MYO5B: variants seen among roughly 807,000 people sequenced by gnomAD.
MYO5B encodes unconventional myosin-Vb.
In MYO5B, 143 loss-of-function variants were observed where a neutral mutation model predicts 229.3. The observed-to-expected ratio is 0.62, with a 90% CI of 0.54 to 0.72. The LOEUF is 0.72. MYO5B is among the 30% of genes least tolerant of loss of function. MYO5B has a pLI of 0.00. For synonymous variants in MYO5B, 918 were observed against 885.2 expected (o/e 1.04, Z -0.66); for missense variants, 2,321 against 2,331.0 (o/e 1.00, Z 0.09).
At chr18:50,155,367 T>TA (rs1220390405) in intron 1 of MYO5B, among the ~76,000 whole-genome samples, 8 of 152,082 alleles carry the variant, frequency 5.3e-5, no homozygotes, top group Middle Eastern at 3.2e-3. Context: ...ATATGACCCA[T>TA]ATTAGAATAT....
chr18:50,003,829 A>C (rs1568066681), intron 4 of MYO5B, among the ~76,000 whole-genome samples: 3 of 152,240 alleles, frequency 2.0e-5, no homozygotes, highest in Non-Finnish European at 2.9e-5. Context: ...AGAATGCAGA[A>C]GTATATACTA....
At chr18:50,088,602 C>T (rs1462948125) in intron 1 of MYO5B, among the ~76,000 whole-genome samples, 1 of 152,226 alleles carries the variant, frequency 6.6e-6, no homozygotes, top group Non-Finnish European at 1.5e-5. Context: ...CATAGCCTCA[C>T]CCTCTTTCAA....
intron 3 of MYO5B, among the ~76,000 whole-genome samples, chr18:50,037,440 T>C (rs1164226281): frequency 3.9e-5 from 6 of 152,214 alleles, no homozygotes; most frequent in African/African-American, 7.2e-5. Context: ...ACAAATAACA[T>C]GCGGACAGAG....
At chr18:49,868,394 C>T (rs958157013) in intron 27 of MYO5B, among the ~76,000 whole-genome samples, 1 of 152,298 alleles carries the variant, frequency 6.6e-6, no homozygotes, top group South Asian at 2.1e-4. Context: ...AAGCCAATGG[C>T]TGGATAGTCA....
intron 31 of MYO5B, among the ~76,000 whole-genome samples, chr18:49,853,235 C>T (rs1454692006): frequency 6.6e-6 from 1 of 152,220 alleles, no homozygotes; most frequent in East Asian, 1.9e-4. Context: ...TGACGCCCCC[C>T]AGCCAACGAC....
intron 1 of MYO5B, among the ~76,000 whole-genome samples, chr18:50,145,753 GA>G (rs1449788531): frequency 6.6e-6 from 1 of 151,982 alleles, no homozygotes; most frequent in African/African-American, 2.4e-5. Context: ...GGCTGTCCCA[GA>G]AAAGATTTCT....
At chr18:50,153,233 C>T (rs1249051091) in intron 1 of MYO5B, among the ~76,000 whole-genome samples, 1 of 152,040 alleles carries the variant, frequency 6.6e-6, no homozygotes, top group African/African-American at 2.4e-5. Flanking sequence ...TTCAATGTTT[C>T]AAAGATTGAA....
chr18:50,058,869 C>A (rs2030617951), intron 1 of MYO5B, among the ~76,000 whole-genome samples: 1 of 152,106 alleles, frequency 6.6e-6, no homozygotes, highest in African/African-American at 2.4e-5. Flanking sequence ...GGAAAGCATG[C>A]CAACCTCTGT....
chr18:49,914,562 T>G (rs1424919886), intron 17 of MYO5B, among the ~76,000 whole-genome samples: 1 of 151,766 alleles, frequency 6.6e-6, no homozygotes, highest in Non-Finnish European at 1.5e-5. Flanking sequence ...GGTGGATCAC[T>G]TGAGGTCAGG....
chr18:49,953,439 G>C, intron 13 of MYO5B, 96 bp from the exon 14 acceptor site: 1 of 1,063,184 alleles, frequency 9.4e-7, no homozygotes, highest in Non-Finnish European at 1.5e-6. Flanking sequence ...TCTGAAAAGA[G>C]CTGTGAGTAG....
chr18:49,837,001 C>A (rs572651777), intron 37 of MYO5B, 116 bp from the exon 38 acceptor site: 2 of 1,029,190 alleles, frequency 1.9e-6, no homozygotes, highest in Non-Finnish European at 2.9e-6. Context: ...TTATCTCACA[C>A]GGTTAAAAAG....
At chr18:49,936,464 A>G in intron 15 of MYO5B, 115 bp from the exon 16 acceptor site, 2 of 818,784 alleles carry the variant, frequency 2.4e-6, no homozygotes, top group South Asian at 1.5e-5. Context: ...ATTAATCCAG[A>G]AGGATGGAAG....
rs17800279 is a variant in MYO5B, at chr18:49,862,611, C to T, written c.3944+616G>A. On this transcript the variant is annotated intron_variant, in intron 29 of 39. Transcript: ENST00000285039. ...GGGTCTGCGTTCTGTCTGCTGACAA[C>T]GCTTGGCCCTGCTGCTGCCCTCAGA... Among the ~76,000 whole-genome samples, 1,387 of 152,314 alleles carry T rather than the reference C, an allele frequency of 9.1e-3. 34 individuals carry two copies. In the East Asian group the frequency reaches 0.12, roughly 13 times the overall value.
intron 26 of MYO5B, 131 bp downstream of exon 26, chr18:49,875,556 A>C: frequency 1.6e-6 from 2 of 1,268,086 alleles, no homozygotes; most frequent in Non-Finnish European, 2.3e-6. Flanking sequence ...CAATGCACTA[A>C]GTAGGAGCCC....
At chr18:49,930,554 A>G (rs565113701) in intron 16 of MYO5B, among the ~76,000 whole-genome samples, 25 of 152,340 alleles carry the variant, frequency 1.6e-4, no homozygotes, top group Admixed American at 3.9e-4. Context: ...TGCCAAAAGA[A>G]GCCAGAGAGC....
At chr18:50,120,666 C>G (rs148914417) in intron 1 of MYO5B, among the ~76,000 whole-genome samples, 3 of 152,320 alleles carry the variant, frequency 2.0e-5, no homozygotes, top group Non-Finnish European at 4.4e-5. Flanking sequence ...CAGGTCATAG[C>G]TGAGCCTCAG....
chr18:49,930,887 G>A (rs1459716728), intron 16 of MYO5B, among the ~76,000 whole-genome samples: 1 of 119,186 alleles, frequency 8.4e-6, no homozygotes, highest in African/African-American at 3.3e-5. Flanking sequence ...GTGAGACTCT[G>A]TCTCAAAAAA....
chr18:49,904,165 A>G (rs2024873934), intron 20 of MYO5B, among the ~76,000 whole-genome samples: 1 of 152,236 alleles, frequency 6.6e-6, no homozygotes, highest in Non-Finnish European at 1.5e-5. Flanking sequence ...TTGGAGATGG[A>G]GTCTAACAGG....
At chr18:49,912,559 T>A (rs2024970285) in intron 17 of MYO5B, among the ~76,000 whole-genome samples, 1 of 152,166 alleles carries the variant, frequency 6.6e-6, no homozygotes, top group African/African-American at 2.4e-5. Flanking sequence ...GGGTGTGGTT[T>A]CCCCCATACT....
Sources: gnomAD v4.1 joint callset for allele counts (sites outside exome capture counted in the v4.1 genomes callset) on GRCh38, gnomAD v4.1.1 for gene constraint, MANE v1.5 for transcripts, NCBI Gene and HGNC (gene_info 2026-07-23, HGNC 2026-07-21) for gene names.